Variants in ENOSF1 observed in about 807,000 individuals in gnomAD.
ENOSF1 encodes mitochondrial enolase superfamily member 1.
In ENOSF1, 73 loss-of-function variants were observed where a neutral mutation model predicts 68.2. The observed-to-expected ratio is 1.07, with a 90% CI of 0.89 to 1.30. The LOEUF is 1.30. Among genes scored for constraint, ENOSF1 ranks in the 50% most tolerant of loss-of-function variants. The pLI is 0.00. For missense variants in ENOSF1, 589 were observed against 554.5 expected, an observed-to-expected ratio of 1.06 and a Z score of -0.62; for synonymous variants, 223 against 210.4, an observed-to-expected ratio of 1.06 and a Z score of -0.52.
chr18:666,579 CA>C (rs2074819884), downstream of ENOSF1, among the ~76,000 whole-genome samples: 1 of 152,212 alleles, frequency 6.6e-6, no homozygotes, highest in African/African-American at 2.4e-5. Context: ...CAGAGACCAG[CA>C]ACCTGGAGAG....
At chr18:688,731 G>T in intron 8 of ENOSF1, 123 bp from the exon 9 acceptor site, 1 of 825,108 alleles carries the variant, frequency 1.2e-6, no homozygotes, top group Non-Finnish European at 2.0e-6. Flanking sequence ...TAACACCCAT[G>T]TGTTGTTGAA....
rs561202004 is a variant in ENOSF1, at chr18:710,560, G to A, written c.84+1944C>T. On this transcript the variant is annotated intron_variant, in intron 1 of 15. Transcript: ENST00000647584. Reference sequence around the variant, plus strand: ...TCTCACTGTGTCATCCAGTGCCCAGGCTGGAATGCAGTGGCATGATCATAG... The same window carrying A: ...TCTCACTGTGTCATCCAGTGCCCAGACTGGAATGCAGTGGCATGATCATAG... Among the ~76,000 whole-genome samples the A allele has an allele frequency of 2.0e-5, 3 of 152,122 alleles. No homozygotes were observed. The East Asian group carries it at 5.8e-4, about 29-fold the overall frequency.
intron 10 of ENOSF1, among the ~76,000 whole-genome samples, chr18:684,570 C>T (rs115746829): frequency 0.032 from 4,907 of 152,064 alleles, 258 homozygotes; most frequent in African/African-American, 0.11. Context: ...TTCATATTAA[C>T]CCATTTTACA....
chr18:668,043 CCA>C (rs1313727520), downstream of ENOSF1, among the ~76,000 whole-genome samples: 1 of 142,526 alleles, frequency 7.0e-6, no homozygotes, highest in African/African-American at 2.7e-5. Flanking sequence ...GACACACTAC[CCA>C]GTTTCCCCCA....
At chr18:681,180 C>T (rs1031667580) in intron 11 of ENOSF1, among the ~76,000 whole-genome samples, 1 of 152,132 alleles carries the variant, frequency 6.6e-6, no homozygotes, top group Non-Finnish European at 1.5e-5. Context: ...GTTCTTTCAT[C>T]GGAGAAGCTG....
At chr18:712,212 A>G in intron 1 of ENOSF1, 1 of 1,458,486 alleles carries the variant, frequency 6.9e-7, no homozygotes. Context: ...TACTTATACA[A>G]TTGCTCCAAG....
chr18:666,705 G>A (rs542936997), downstream of ENOSF1, among the ~76,000 whole-genome samples: 1 of 152,358 alleles, frequency 6.6e-6, no homozygotes, highest in Admixed American at 6.5e-5. Flanking sequence ...TTTATGTGCG[G>A]TCATGAGATC....
intron 10 of ENOSF1, 58 bp from the exon 11 acceptor site, chr18:683,438 TG>T: frequency 1.9e-6 from 3 of 1,598,484 alleles, no homozygotes; most frequent in Non-Finnish European, 2.6e-6. Flanking sequence ...ACAGCAGGGC[TG>T]CGGCTCCCAG....
intron 3 of ENOSF1, 123 bp from the exon 4 acceptor site, chr18:694,457 C>G: frequency 2.5e-6 from 2 of 794,372 alleles, no homozygotes; most frequent in Non-Finnish European, 4.0e-6. Flanking sequence ...ATGGTGAAAC[C>G]CCGTCTCTAC....
At chr18:692,740 C>T (rs1598686800) in intron 5 of ENOSF1, 2 of 992,864 alleles carry the variant, frequency 2.0e-6, no homozygotes, top group Non-Finnish European at 2.4e-6. Context: ...CTTTTGGTGG[C>T]TACCTCCTCC....
At chr18:690,748 G>A (rs778870242) in intron 7 of ENOSF1, 117 bp from the exon 8 acceptor site, 13 of 1,512,934 alleles carry the variant, frequency 8.6e-6, no homozygotes, top group Non-Finnish European at 8.8e-6. Flanking sequence ...ATCCGGCCCT[G>A]CACACACACA....
At chr18:674,802 A>G (rs140939489) in intron 15 of ENOSF1, among the ~76,000 whole-genome samples, 10 of 152,308 alleles carry the variant, frequency 6.6e-5, no homozygotes, top group Non-Finnish European at 1.2e-4. Flanking sequence ...TTACAGGCGT[A>G]AGCCACCATG....
the ENOSF1 span, among the ~76,000 whole-genome samples, chr18:664,344 T>G: frequency 3.3e-5 from 5 of 149,996 alleles, no homozygotes; most frequent in Non-Finnish European, 5.9e-5. Context: ...ATAAGAATGC[T>G]TGTGATTTTT....
At chr18:690,465 G>A (rs2077031468) in intron 8 of ENOSF1, 84 bp downstream of exon 8, 3 of 1,455,014 alleles carry the variant, frequency 2.1e-6, no homozygotes, top group Admixed American at 1.7e-5. Context: ...GTGAGGTACT[G>A]AGAGTAGTGG....
chr18:704,616 T>TA (rs1339844538), intron 2 of ENOSF1, among the ~76,000 whole-genome samples: 1 of 149,660 alleles, frequency 6.7e-6, no homozygotes, highest in Non-Finnish European at 1.5e-5. Context: ...TTTTTTCTTT[T>TA]TTTTTTTGGG....
rs767116645 is a variant in ENOSF1 at position 694,352 on chromosome 18, T to C, written c.310-18A>G. On this transcript the variant is annotated intron_variant, in intron 3 of 15. Transcript: ENST00000647584. ...GGACCAATCTGGTTAGGAAGCAAAG[T>C]ACAAAAGCACTTTTTAGAAATGAAA... 6.2e-7 allele frequency: 1 copy of C among 1,612,838 alleles called. No individual in the cohort carries two copies. The highest frequency in any genetic ancestry group is 1.1e-5 in the South Asian group (1 of 90,946).
Position 674,058 on chromosome 18 carries a change from T to C in ENOSF1, c.*247A>G. ...CCAGCCCTTGATATAGCTATTTTTG[T>C]AAGAACATCCTCCTGGACTTTGGGT... On this transcript the variant is annotated 3_prime_UTR_variant, in exon 16 of 16. Coordinates refer to ENST00000647584, the MANE Select transcript of ENOSF1 (RefSeq NM_017512.7). The C allele has an allele frequency of 3.0e-6, 1 of 338,894 alleles. No individual in the cohort carries two copies. The highest frequency in any genetic ancestry group is 5.3e-6 in the Non-Finnish European group (1 of 187,400). The allele number at this position is 338,894 out of a possible 1,614,324, so 21.0% of individuals were successfully genotyped here.
chr18:692,692 G>T, intron 5 of ENOSF1: 1 of 990,718 alleles, frequency 1.0e-6, no homozygotes, highest in Non-Finnish European at 1.2e-6. Flanking sequence ...CCACAGGTGG[G>T]ACCTCAGGCA....
chr18:709,362 G>C (rs2045105030), intron 1 of ENOSF1, among the ~76,000 whole-genome samples: 1 of 152,156 alleles, frequency 6.6e-6, no homozygotes, highest in African/African-American at 2.4e-5. Flanking sequence ...AGGGGAGAGA[G>C]CACACGAAGA....
Sources: allele counts gnomAD v4.1 joint callset (sites outside exome capture counted in the v4.1 genomes callset), GRCh38; gene constraint gnomAD v4.1.1; transcripts MANE v1.5; gene names NCBI Gene and HGNC (gene_info 2026-07-23, HGNC 2026-07-21).